Variants in TENM3 observed in about 807,000 individuals in gnomAD.
The protein encoded by TENM3 is teneurin transmembrane protein 3.
TENM3 carries 63 observed loss-of-function variants against 255.1 expected under a neutral mutation model. That is an observed-to-expected ratio of 0.25 (90% CI 0.20 to 0.30). The LOEUF is 0.30. TENM3 is among the 10% of genes least tolerant of loss of function. The pLI is 1.00. For synonymous variants in TENM3, 1,306 were observed against 1,322.3 expected (o/e 0.99, Z 0.27); for missense variants, 2,929 against 3,461.1 (o/e 0.85, Z 3.86).
At chr4:181,831,924 G>A in the TENM3 span, among the ~76,000 whole-genome samples, 1 of 150,772 alleles carries the variant, frequency 6.6e-6, no homozygotes, top group African/African-American at 2.4e-5. Flanking sequence ...CCTGCATGAA[G>A]CATCAGGGAA....
At chr4:182,795,951 G>T (rs1766469016) in intron 26 of TENM3, among the ~76,000 whole-genome samples, 1 of 152,182 alleles carries the variant, frequency 6.6e-6, no homozygotes, top group Admixed American at 6.5e-5. Context: ...CTTATTCTGA[G>T]CTGAATGGCT....
At chr4:182,187,816 T>G (rs73871814) in intron 1 of TENM3, among the ~76,000 whole-genome samples, 3,327 of 152,086 alleles carry the variant, frequency 0.022, 102 homozygotes, top group East Asian at 0.11. Context: ...ATAAAAAGAG[T>G]TTTTTGTCAA....
the TENM3 span, among the ~76,000 whole-genome samples, chr4:181,935,061 C>T: frequency 6.6e-6 from 1 of 152,286 alleles, no homozygotes; most frequent in Non-Finnish European, 1.5e-5. Context: ...ATGGCTCACA[C>T]ATAGTGAATT....
the TENM3 span, among the ~76,000 whole-genome samples, chr4:181,842,618 C>T: frequency 3.9e-5 from 6 of 152,168 alleles, no homozygotes; most frequent in Non-Finnish European, 8.8e-5. Flanking sequence ...CTGGCTGGGT[C>T]AATTAGCTTA....
At chr4:181,875,434 A>G in the TENM3 span, among the ~76,000 whole-genome samples, 1 of 63,082 alleles carries the variant, frequency 1.6e-5, no homozygotes, top group Non-Finnish European at 3.5e-5. Flanking sequence ...TTTTTTTTTT[A>G]CCAGTTTGTA....
chr4:182,527,778 A>ATT (rs1298869243), intron 3 of TENM3, among the ~76,000 whole-genome samples: 3 of 151,960 alleles, frequency 2.0e-5, no homozygotes, highest in Non-Finnish European at 4.4e-5. Flanking sequence ...ACCAGGCTGG[A>ATT]GTACAGCGGC....
chr4:181,643,970 G>A, the TENM3 span, among the ~76,000 whole-genome samples: 1 of 151,712 alleles, frequency 6.6e-6, no homozygotes, highest in Admixed American at 6.6e-5. Flanking sequence ...CACCTACTTG[G>A]GAGCCTGAGA....
intron 1 of TENM3, among the ~76,000 whole-genome samples, chr4:182,230,811 A>AAT (rs1561221454): frequency 3.4e-4 from 20 of 59,242 alleles, no homozygotes; most frequent in South Asian, 2.8e-3. Flanking sequence ...AGTTTCTCAA[A>AAT]CTATATATAT....
the TENM3 span, among the ~76,000 whole-genome samples, chr4:181,553,508 C>A: frequency 6.6e-6 from 1 of 152,030 alleles, no homozygotes; most frequent in East Asian, 2.0e-4. Context: ...GGGGCGCGAT[C>A]TCGGCTCACT....
chr4:182,324,304 G>T (rs972262499), intron 2 of TENM3, 52 bp downstream of exon 2: 2 of 1,369,442 alleles, frequency 1.5e-6, no homozygotes, highest in South Asian at 2.3e-5. Context: ...CTAACTTGTA[G>T]GTGTCGTGAT....
the TENM3 span, among the ~76,000 whole-genome samples, chr4:181,766,065 G>C: frequency 2.0e-5 from 3 of 152,126 alleles, no homozygotes; most frequent in East Asian, 5.8e-4. Context: ...GGGTGAAAGC[G>C]TGTGAACTGA....
chr4:181,800,630 C>A, the TENM3 span, among the ~76,000 whole-genome samples: 1 of 152,082 alleles, frequency 6.6e-6, no homozygotes, highest in African/African-American at 2.4e-5. Context: ...AAGACTCCAT[C>A]TCAAAAAAAG....
chr4:182,800,056 C>T lies in TENM3; in HGVS notation c.7805C>T (p.Ala2602Val), dbSNP rs371499646. 5 of 1,602,690 alleles carry T rather than the reference C, an allele frequency of 3.1e-6. No homozygotes were observed. The highest frequency in any genetic ancestry group is 1.3e-5 in the African/African-American group (1 of 74,836). ...GCGGACGTGGAGATGCAGTTCGGCG[C>T]GCTGGCGCTGCACGTGCGCTACGGC... Reference protein sequence around the residue: ...RFADVEMQFGALALHVRYGMT... With the variant: ...RFADVEMQFGVLALHVRYGMT... Residue 2602 changes from alanine (A) to valine (V), a missense_variant, in exon 28 of 28, where the codon GCG becomes GTG. Ala to Val is a moderately conservative substitution (Grantham distance 64, BLOSUM62 0). Around this residue, in one of 6 missense-constraint regions of TENM3, gnomAD observed 476 missense variants for 480.1 expected, o/e 0.99. Coordinates refer to ENST00000511685, the MANE Select transcript of TENM3 (RefSeq NM_001080477.4).
At chr4:182,536,947 A>G (rs1371333805) in intron 3 of TENM3, among the ~76,000 whole-genome samples, 1 of 152,120 alleles carries the variant, frequency 6.6e-6, no homozygotes, top group East Asian at 1.9e-4. Context: ...CTTTTTATGC[A>G]TTCAATGATT....
the TENM3 span, among the ~76,000 whole-genome samples, chr4:181,891,234 A>G: frequency 6.6e-6 from 1 of 152,224 alleles, no homozygotes; most frequent in Non-Finnish European, 1.5e-5. Context: ...ATAAGAAACA[A>G]ACTAAGGAGT....
chr4:181,581,419 C>T, the TENM3 span, among the ~76,000 whole-genome samples: 6 of 151,960 alleles, frequency 3.9e-5, no homozygotes, highest in South Asian at 2.1e-4. Flanking sequence ...CCAGCCTGGG[C>T]GACAGAGAGA....
chr4:182,695,354 C>T (rs774329486), intron 12 of TENM3, among the ~76,000 whole-genome samples: 8 of 152,284 alleles, frequency 5.3e-5, no homozygotes, highest in Non-Finnish European at 1.0e-4. Flanking sequence ...GTTCAGGTGT[C>T]GTATGTTAAT....
At chr4:182,059,892 C>T in the TENM3 span, among the ~76,000 whole-genome samples, 1 of 151,942 alleles carries the variant, frequency 6.6e-6, no homozygotes, top group African/African-American at 2.4e-5. Context: ...ATGATTGTGC[C>T]ACTGCACTCC....
intron 1 of TENM3, among the ~76,000 whole-genome samples, chr4:182,286,692 T>C (rs1760748500): frequency 1.3e-5 from 2 of 152,182 alleles, no homozygotes; most frequent in Non-Finnish European, 1.5e-5. Flanking sequence ...CTTTGGTCCC[T>C]TGTGGTAAAT....
Sources: gnomAD v4.1 joint callset for allele counts (sites outside exome capture counted in the v4.1 genomes callset) on GRCh38, gnomAD v4.1.1 for gene constraint, gnomAD v4.1.1 regional missense constraint, MANE v1.5 for transcripts, NCBI Gene and HGNC (gene_info 2026-07-23, HGNC 2026-07-21) for gene names.